Variants in ANKRD55 observed in about 807,000 individuals in gnomAD.
The protein encoded by ANKRD55 is ankyrin repeat domain-containing protein 55.
Under a neutral mutation model 60.6 loss-of-function variants are expected in ANKRD55, and 41 were observed. That is an observed-to-expected ratio of 0.68 (90% CI 0.53 to 0.88). ANKRD55 has a LOEUF of 0.88. Ranked by LOEUF, ANKRD55 falls within the 40% of genes least tolerant of loss-of-function variation. The pLI is 0.00. For missense variants in ANKRD55, 732 were observed against 767.6 expected, an observed-to-expected ratio of 0.95 and a Z score of 0.55; for synonymous variants, 264 against 290.3, an observed-to-expected ratio of 0.91 and a Z score of 0.92.
intron 2 of ANKRD55, among the ~76,000 whole-genome samples, chr5:56,199,386 T>G (rs1432281043): frequency 6.6e-6 from 1 of 152,192 alleles, no homozygotes; most frequent in Non-Finnish European, 1.5e-5. Context: ...ACATAGTGAA[T>G]GTTTGTGTTT....
At chr5:56,171,805 C>G (rs1303991758) in intron 4 of ANKRD55, among the ~76,000 whole-genome samples, 1 of 152,110 alleles carries the variant, frequency 6.6e-6, no homozygotes, top group Non-Finnish European at 1.5e-5. Context: ...ATTTTTCCTC[C>G]TTATACTGAA....
intron 2 of ANKRD55, among the ~76,000 whole-genome samples, chr5:56,210,430 C>T (rs370541471): frequency 9.4e-4 from 143 of 151,836 alleles, no homozygotes; most frequent in African/African-American, 3.2e-3. Flanking sequence ...GGTGCGGTGG[C>T]GGGCGCCTGT....
chr5:56,228,364 C>A (rs1760170172), intron 2 of ANKRD55, among the ~76,000 whole-genome samples: 1 of 151,660 alleles, frequency 6.6e-6, no homozygotes, highest in South Asian at 2.1e-4. Context: ...GCCACAGCAG[C>A]CAAGGCTGGA....
chr5:56,205,706 T>TCCTTGTGGCC (rs2111864713), intron 2 of ANKRD55, among the ~76,000 whole-genome samples: 1 of 152,294 alleles, frequency 6.6e-6, no homozygotes, highest in South Asian at 2.1e-4. Flanking sequence ...AAAGGCACCC[T>TCCTTGTGGCC]CCTTGTGGCC....
At chr5:56,173,752 C>G (rs1036360837) in intron 4 of ANKRD55, among the ~76,000 whole-genome samples, 1 of 151,656 alleles carries the variant, frequency 6.6e-6, no homozygotes, top group Non-Finnish European at 1.5e-5. Flanking sequence ...CCATGTTGGT[C>G]AGGCTGGTCT....
intron 2 of ANKRD55, among the ~76,000 whole-genome samples, chr5:56,209,559 T>TG (rs1195376353): frequency 6.6e-6 from 1 of 150,942 alleles, no homozygotes; most frequent in Admixed American, 6.6e-5. Context: ...CTCCGCCTCC[T>TG]GGGTTCACGC....
chr5:56,110,905 T>C (rs1756670262), intron 10 of ANKRD55: 3 of 593,894 alleles, frequency 5.1e-6, no homozygotes, highest in East Asian at 5.6e-5. Context: ...ATATTTGTAC[T>C]TGATGATTAC....
intron 2 of ANKRD55, among the ~76,000 whole-genome samples, chr5:56,214,141 T>G (rs159564): frequency 0.35 from 53,396 of 152,042 alleles, 11,681 homozygotes; most frequent in African/African-American, 0.61. Flanking sequence ...ACCACCCCCA[T>G]GATTCAATTA....
At chr5:56,106,150 C>A (rs542965455) in intron 10 of ANKRD55, among the ~76,000 whole-genome samples, 1 of 152,166 alleles carries the variant, frequency 6.6e-6, no homozygotes, top group African/African-American at 2.4e-5. Flanking sequence ...ATTTTAACAG[C>A]AGCACTACTA....
chr5:56,190,003 T>TA (rs573932470), intron 2 of ANKRD55, among the ~76,000 whole-genome samples: 14 of 152,086 alleles, frequency 9.2e-5, no homozygotes, highest in Non-Finnish European at 1.9e-4. Flanking sequence ...GTTTGGGTTT[T>TA]AAAAAAAATA....
At chr5:56,230,397 G>A (rs565089771) in intron 2 of ANKRD55, among the ~76,000 whole-genome samples, 47 of 152,250 alleles carry the variant, frequency 3.1e-4, no homozygotes, top group African/African-American at 1.1e-3. Flanking sequence ...CGGCCCAGAT[G>A]ATTCTTAAGT....
intron 2 of ANKRD55, among the ~76,000 whole-genome samples, chr5:56,223,988 T>A (rs1351580557): frequency 6.6e-6 from 1 of 152,288 alleles, no homozygotes; most frequent in Non-Finnish European, 1.5e-5. Flanking sequence ...CAAGCGGACC[T>A]AATAGACATC....
chr5:56,121,044 G>C (rs546326930), intron 8 of ANKRD55, among the ~76,000 whole-genome samples: 1 of 152,280 alleles, frequency 6.6e-6, no homozygotes, highest in Non-Finnish European at 1.5e-5. Context: ...TAGGCAATGG[G>C]ACCACAGGCA....
At chr5:56,155,102 C>T (rs530391161) in intron 6 of ANKRD55, among the ~76,000 whole-genome samples, 52 of 151,912 alleles carry the variant, frequency 3.4e-4, no homozygotes, top group Admixed American at 3.1e-3. Flanking sequence ...TATGGTTGTG[C>T]ATGCCTGTGG....
At chr5:56,157,203 C>T (rs141586507) in intron 6 of ANKRD55, among the ~76,000 whole-genome samples, 6,013 of 152,246 alleles carry the variant, frequency 0.039, 171 homozygotes, top group Non-Finnish European at 0.053. Context: ...GCAGGATGTG[C>T]TTTGTTAAAC....
intron 6 of ANKRD55, 98 bp downstream of exon 6, chr5:56,159,734 TC>T: frequency 8.5e-7 from 1 of 1,181,880 alleles, no homozygotes; most frequent in South Asian, 1.2e-5. Context: ...GCCTCATGTC[TC>T]CCCGTAGCTT....
chr5:56,157,450 G>C (rs935065679), intron 6 of ANKRD55, among the ~76,000 whole-genome samples: 1 of 152,204 alleles, frequency 6.6e-6, no homozygotes, highest in Non-Finnish European at 1.5e-5. Flanking sequence ...TAGTAAAACA[G>C]GAAGGCCTCT....
At chr5:56,203,685 A>C (rs1160689482) in intron 2 of ANKRD55, among the ~76,000 whole-genome samples, 11 of 152,126 alleles carry the variant, frequency 7.2e-5, no homozygotes, top group Middle Eastern at 3.2e-3. Flanking sequence ...TTATGGCTGC[A>C]TAGTATTCCA....
At chr5:56,157,825 C>G (rs573650079) in intron 6 of ANKRD55, among the ~76,000 whole-genome samples, 1 of 152,144 alleles carries the variant, frequency 6.6e-6, no homozygotes, top group African/African-American at 2.4e-5. Flanking sequence ...AGCCGGCGCG[C>G]GTCCTCCTTA....
Sources: allele counts gnomAD v4.1 joint callset (sites outside exome capture counted in the v4.1 genomes callset), GRCh38; gene constraint gnomAD v4.1.1; transcripts MANE v1.5; gene names NCBI Gene and HGNC (gene_info 2026-07-23, HGNC 2026-07-21).